PPIP5K2: variants seen among roughly 807,000 people sequenced by gnomAD.
PPIP5K2 encodes the protein inositol hexakisphosphate and diphosphoinositol-pentakisphosphate kinase 2.
PPIP5K2 carries 105 observed loss-of-function variants against 154.6 expected under a neutral mutation model. The ratio of observed to expected loss-of-function variants is 0.68; its 90% confidence interval spans 0.58 to 0.80. PPIP5K2 has a LOEUF of 0.80. Ranked by LOEUF, PPIP5K2 falls within the 30% of genes least tolerant of loss-of-function variation. The probability of loss-of-function intolerance (pLI) is 0.00; values close to 1 mark genes in which losing one functional copy is unlikely to be tolerated. For missense variants in PPIP5K2, 992 were observed against 1,504.6 expected, an observed-to-expected ratio of 0.66 and a Z score of 5.64; for synonymous variants, 480 against 490.3, an observed-to-expected ratio of 0.98 and a Z score of 0.28.
At chr5:103,122,962 T>C (rs1554199577) in intron 1 of PPIP5K2, among the ~76,000 whole-genome samples, 1 of 152,140 alleles carries the variant, frequency 6.6e-6, no homozygotes, top group Non-Finnish European at 1.5e-5. Context: ...GTAGTGTTCA[T>C]GATAGTCTCA....
chr5:103,146,943 C>G (rs1010945602), intron 6 of PPIP5K2, among the ~76,000 whole-genome samples: 1 of 151,840 alleles, frequency 6.6e-6, no homozygotes, highest in South Asian at 2.1e-4. Context: ...GTACATCTGT[C>G]AAACTAGAAA....
chr5:103,190,888 T>G lies in PPIP5K2; in HGVS notation c.3399T>G (p.Thr1133=). 1 of 1,610,176 alleles carries G rather than the reference T, an allele frequency of 6.2e-7. No homozygotes were observed. The highest frequency in any genetic ancestry group is 2.2e-5 in the East Asian group (1 of 44,698). The change falls in exon 29 of 31, where the codon ACT becomes ACG. Residue 1133 remains threonine, a synonymous_variant. Coordinates refer to ENST00000358359, the MANE Select transcript of PPIP5K2 (RefSeq NM_001276277.3). ...SMVPSICPLE[T]LHNALSLKQV... is the part of the protein sequence containing the mutation. ...TGCCATCTATTTGTCCTCTAGAAAC[T>G]CTTCATAATGCCCTATCTTTAAAGC...
chr5:103,166,021 C>A (rs1025835811), intron 17 of PPIP5K2, among the ~76,000 whole-genome samples: 1 of 152,020 alleles, frequency 6.6e-6, no homozygotes, highest in African/African-American at 2.4e-5. Flanking sequence ...GATCCCAAAG[C>A]ATTTCTTTGA....
intron 19 of PPIP5K2, among the ~76,000 whole-genome samples, chr5:103,170,986 A>G (rs528327288): frequency 6.6e-6 from 1 of 151,690 alleles, no homozygotes; most frequent in Non-Finnish European, 1.5e-5. Context: ...GTGTATATAC[A>G]TATGTTCTGG....
intron 25 of PPIP5K2, 76 bp from the exon 26 acceptor site, chr5:103,184,596 A>G (rs1800062034): frequency 2.8e-6 from 3 of 1,086,504 alleles, no homozygotes; most frequent in African/African-American, 1.6e-5. Context: ...TCTGTCTGGA[A>G]CAGGCTGCAT....
At position 103,128,326 on chromosome 5, in the gene PPIP5K2, G is replaced by A. The variant is rs142760162; in HGVS notation, c.-284-980G>A. On this transcript the variant is annotated intron_variant, in intron 1 of 30. Coordinates refer to ENST00000358359, the MANE Select transcript of PPIP5K2 (RefSeq NM_001276277.3). ...TAATTAATTTTAATATGACCAGGAA[G>A]CAAGTACATGTAAACAACTATGGTA... is the stretch of plus-strand genomic sequence containing the variant. Among the ~76,000 whole-genome samples the A allele has an allele frequency of 1.4e-3, 210 of 152,208 alleles. 1 individual carries two copies. Among genetic ancestry groups the A allele is most frequent in the African/African-American group, 5.0e-3 (206 of 41,540 alleles).
chr5:103,129,455 T>C lies in PPIP5K2; in HGVS notation c.-135T>C, dbSNP rs554833782. On this transcript the variant is annotated 5_prime_UTR_variant, in exon 2 of 31. Transcript: ENST00000358359. ...AACAGTCATCATAATATCAAGTGATTGTATAAGCAGAAACAAGCTGTCACA... is the reference window on the plus strand; with the variant it reads ...AACAGTCATCATAATATCAAGTGATCGTATAAGCAGAAACAAGCTGTCACA... The C allele has an allele frequency of 1.2e-4, 68 of 569,460 alleles. No homozygotes were observed. The highest frequency in any genetic ancestry group is 2.8e-6 in the Non-Finnish European group (1 of 351,268). 35.3% of individuals were successfully genotyped at this position (569,460 alleles called of 1,614,324 possible).
At chr5:103,162,456 G>C (rs529579494) in intron 17 of PPIP5K2, among the ~76,000 whole-genome samples, 99 of 151,184 alleles carry the variant, frequency 6.5e-4, no homozygotes, top group Non-Finnish European at 1.3e-3. Flanking sequence ...TGAAACCCCT[G>C]GGCTCAAGTG....
intron 17 of PPIP5K2, among the ~76,000 whole-genome samples, chr5:103,162,208 C>T (rs1796377138): frequency 6.6e-6 from 1 of 151,854 alleles, no homozygotes; most frequent in Non-Finnish European, 1.5e-5. Flanking sequence ...GTCTCTTGTC[C>T]TTTTTCTGTG....
intron 5 of PPIP5K2, among the ~76,000 whole-genome samples, chr5:103,145,849 TTTATATTTTGAAATAAC>T (rs1388759758): frequency 1.2e-4 from 19 of 152,060 alleles, no homozygotes; most frequent in African/African-American, 3.6e-4. Context: ...AATAATTTAT[TTTATATTTTGAAATAAC>T]TAAAAGTGAA....
At chr5:103,160,846 G>A (rs182746470) in intron 17 of PPIP5K2, among the ~76,000 whole-genome samples, 123 of 151,834 alleles carry the variant, frequency 8.1e-4, no homozygotes, top group Non-Finnish European at 1.4e-3. Flanking sequence ...ATGAGCATAC[G>A]TTTCTCTTGG....
chr5:103,184,702 A>G lies in PPIP5K2; in HGVS notation c.3127A>G (p.Thr1043Ala). The stretch of plus-strand genomic sequence containing the variant: ...ATCTGAAAATGCTAATTACCTGAGA[A>G]CACCAAGAACTCTTGTGGAACAGAA... ...VVSENANYLR[T>A]PRTLVEQKQN... Residue 1043 changes from threonine (T) to alanine (A), a missense_variant, in exon 26 of 31, where the codon ACA becomes GCA. This residue lies in a region of PPIP5K2 where 204 missense variants were observed against 224.0 expected (regional missense o/e 0.91). Coordinates refer to ENST00000358359, the MANE Select transcript of PPIP5K2 (RefSeq NM_001276277.3). 2 of 1,612,832 alleles carry G rather than the reference A, an allele frequency of 1.2e-6. No individual in the cohort carries two copies. Among genetic ancestry groups the G allele is most frequent in the Non-Finnish European group, 1.7e-6 (2 of 1,179,022 alleles).
At chr5:103,143,806 A>G (rs1362681868) in intron 5 of PPIP5K2, among the ~76,000 whole-genome samples, 2 of 147,062 alleles carry the variant, frequency 1.4e-5, no homozygotes, top group Non-Finnish European at 3.1e-5. Context: ...AAAGCGCTAT[A>G]TGACAAACCC....
At chr5:103,177,800 T>A (rs1355397258) in intron 22 of PPIP5K2, 26 bp downstream of exon 22, 1 of 1,595,844 alleles carries the variant, frequency 6.3e-7, no homozygotes, top group African/African-American at 1.3e-5. Context: ...GATTTGTGTT[T>A]TACCAGACAT....
At chr5:103,142,776 A>AC (rs1793046183) in intron 5 of PPIP5K2, among the ~76,000 whole-genome samples, 1 of 20 alleles carries the variant, frequency 0.05, no homozygotes, top group Non-Finnish European at 0.083. Context: ...ACTCCGTCTC[A>AC]AAAAAAAAAA....
intron 21 of PPIP5K2, among the ~76,000 whole-genome samples, chr5:103,176,565 ATAATT>A (rs1184288818): frequency 6.6e-6 from 1 of 152,032 alleles, no homozygotes; most frequent in African/African-American, 2.4e-5. Context: ...GTGTGGTCTT[ATAATT>A]TGCTTTTAAA....
intron 11 of PPIP5K2, among the ~76,000 whole-genome samples, chr5:103,154,299 G>C (rs1554212322): frequency 6.6e-6 from 1 of 151,906 alleles, no homozygotes; most frequent in East Asian, 1.9e-4. Flanking sequence ...TCCAGTGTTT[G>C]GTTTGGAGAT....
intron 1 of PPIP5K2, among the ~76,000 whole-genome samples, chr5:103,125,533 T>TG (rs1789518594): frequency 6.6e-6 from 1 of 152,026 alleles, no homozygotes; most frequent in Admixed American, 6.6e-5. Context: ...AAAGAAAGGC[T>TG]TCCTTCACTT....
intron 21 of PPIP5K2, among the ~76,000 whole-genome samples, chr5:103,174,912 C>A (rs542003717): frequency 4.2e-4 from 64 of 152,158 alleles, no homozygotes; most frequent in African/African-American, 1.5e-3. Flanking sequence ...TTGTATTCTT[C>A]CCACATACAA....
Sources: gnomAD v4.1 joint callset for allele counts (sites outside exome capture counted in the v4.1 genomes callset) on GRCh38, gnomAD v4.1.1 for gene constraint, gnomAD v4.1.1 regional missense constraint, MANE v1.5 for transcripts, NCBI Gene and HGNC (gene_info 2026-07-23, HGNC 2026-07-21) for gene names.